The following PCDHA7 variants were observed in gnomAD, a reference collection of about 807,000 sequenced individuals.
PCDHA7 encodes the protein protocadherin alpha 7.
PCDHA7 carries 37 observed loss-of-function variants against 57.2 expected under a neutral mutation model. The observed-to-expected ratio is 0.65, with a 90% confidence interval of 0.50 to 0.85. PCDHA7 has a LOEUF of 0.85. PCDHA7 is among the 40% of genes least tolerant of loss of function. The probability of loss-of-function intolerance (pLI) is 0.00; values close to 1 mark genes in which losing one functional copy is unlikely to be tolerated. For synonymous variants in PCDHA7, 553 were observed against 558.8 expected, an observed-to-expected ratio of 0.99 and a Z score of 0.15; for missense variants, 1,188 against 1,241.8, an observed-to-expected ratio of 0.96 and a Z score of 0.65.
intron 1 of PCDHA7, among the ~76,000 whole-genome samples, chr5:140,964,670 G>A (rs2095847592): frequency 6.6e-6 from 1 of 151,912 alleles, no homozygotes; most frequent in Non-Finnish European, 1.5e-5. Context: ...CACAGGCCAG[G>A]TCCACAATTT....
chr5:140,963,438 CT>C (rs2095766112), intron 1 of PCDHA7, among the ~76,000 whole-genome samples: 1 of 152,242 alleles, frequency 6.6e-6, no homozygotes, highest in Admixed American at 6.5e-5. Context: ...TAACTTCATA[CT>C]CTGTTGCTAA....
intron 1 of PCDHA7, chr5:140,875,190 C>T (rs2055337617): frequency 4.0e-6 from 2 of 496,884 alleles, no homozygotes; most frequent in Admixed American, 4.0e-5. Flanking sequence ...TTAAGAGTGA[C>T]CCAGGAAGTG....
rs782411315 is a variant in PCDHA7, at chr5:140,883,596, T to G, written c.2355+46858T>G. ...CTGTGGGCCACGGCCAGCGTGTCGG[T>G]GGGGGTGGCCGACGTGAACGACAAC... On this transcript the variant is annotated intron_variant, in intron 1 of 3. Coordinates refer to ENST00000525929, the MANE Select transcript of PCDHA7 (RefSeq NM_018910.3). 1.0e-4 allele frequency: 167 copies of G among 1,613,676 alleles called. No homozygotes were observed. The highest frequency in any genetic ancestry group is 1.6e-4 in the Middle Eastern group (1 of 6,072).
intron 1 of PCDHA7, among the ~76,000 whole-genome samples, chr5:140,838,153 G>A (rs2150285429): frequency 3.7e-5 from 5 of 135,362 alleles, no homozygotes; most frequent in Admixed American, 1.5e-4. Flanking sequence ...TTACTCTGTC[G>A]CCCTCTCTGG....
At chr5:140,946,092 G>T (rs985293430) in intron 1 of PCDHA7, among the ~76,000 whole-genome samples, 1 of 151,914 alleles carries the variant, frequency 6.6e-6, no homozygotes, top group Non-Finnish European at 1.5e-5. Context: ...CTGATAAGGA[G>T]TTAACATACC....
intron 1 of PCDHA7, among the ~76,000 whole-genome samples, chr5:140,921,342 TA>T (rs1311011800): frequency 6.6e-6 from 1 of 152,188 alleles, no homozygotes; most frequent in African/African-American, 2.4e-5. Flanking sequence ...AATCACATAA[TA>T]TATTTGCCTA....
At chr5:140,914,710 G>T (rs879987412) in intron 1 of PCDHA7, among the ~76,000 whole-genome samples, 22 of 151,256 alleles carry the variant, frequency 1.5e-4, no homozygotes, top group Non-Finnish European at 2.4e-4. Flanking sequence ...TTAATTTCTT[G>T]TTTTTTATTT....
At chr5:140,858,018 C>T in intron 1 of PCDHA7, 1 of 1,596,908 alleles carries the variant, frequency 6.3e-7, no homozygotes, top group Non-Finnish European at 8.6e-7. Context: ...GGCGAGCCGT[C>T]GCTGACGGCC....
chr5:140,871,461 A>G, intron 1 of PCDHA7: 1 of 1,605,278 alleles, frequency 6.2e-7, no homozygotes, highest in Non-Finnish European at 8.5e-7. Context: ...AGGAAGGGGA[A>G]AGACAGGAGC....
chr5:140,884,535 C>T (rs142468733), intron 1 of PCDHA7: 2 of 1,613,918 alleles, frequency 1.2e-6, no homozygotes, highest in African/African-American at 1.3e-5. Flanking sequence ...CAGAGGCGGC[C>T]GAGGGTGTGC....
At chr5:140,957,473 GA>G (rs1446179332) in intron 1 of PCDHA7, among the ~76,000 whole-genome samples, 1 of 151,954 alleles carries the variant, frequency 6.6e-6, no homozygotes, top group Non-Finnish European at 1.5e-5. Context: ...GTATGTATAG[GA>G]AAAAACATAG....
At chr5:140,938,709 T>C (rs1473474040) in intron 1 of PCDHA7, among the ~76,000 whole-genome samples, 2 of 152,176 alleles carry the variant, frequency 1.3e-5, no homozygotes, top group African/African-American at 2.4e-5. Context: ...ATGTTTATGA[T>C]AGAAACGCGT....
chr5:140,928,744 C>T (rs143875858), intron 1 of PCDHA7: 3 of 1,614,144 alleles, frequency 1.9e-6, no homozygotes, highest in Admixed American at 3.3e-5. Context: ...TATAGGTGAG[C>T]TCCGTACTGC....
intron 3 of PCDHA7, among the ~76,000 whole-genome samples, chr5:141,000,226 G>A (rs2097897321): frequency 6.6e-6 from 1 of 151,546 alleles, no homozygotes; most frequent in Non-Finnish European, 1.5e-5. Context: ...TGCCTGTGTG[G>A]AGCTGAATGT....
chr5:140,966,290 G>A (rs2095989541), intron 1 of PCDHA7: 3 of 375,186 alleles, frequency 8.0e-6, no homozygotes, highest in Non-Finnish European at 1.4e-5. Flanking sequence ...GGGGTAGGGA[G>A]AAAGGGAGTG....
intron 1 of PCDHA7, chr5:140,843,614 C>A: frequency 6.3e-7 from 1 of 1,596,062 alleles, no homozygotes; most frequent in Non-Finnish European, 8.6e-7. Flanking sequence ...TGAGGGGCCA[C>A]CGAAGACGGA....
intron 1 of PCDHA7, chr5:140,870,178 C>T (rs2051730547): frequency 2.5e-6 from 4 of 1,614,094 alleles, no homozygotes; most frequent in East Asian, 2.2e-5. Context: ...CCTCCCAGTA[C>T]GAGAGGACGC....
chr5:140,876,954 G>T (rs1554169149), intron 1 of PCDHA7: 1 of 1,613,432 alleles, frequency 6.2e-7, no homozygotes, highest in Non-Finnish European at 8.5e-7. Context: ...CCTACTCGCT[G>T]GTGGAGCGGC....
intron 1 of PCDHA7, among the ~76,000 whole-genome samples, chr5:140,948,886 T>C (rs892848820): frequency 6.6e-6 from 1 of 151,684 alleles, no homozygotes; most frequent in Non-Finnish European, 1.5e-5. Context: ...TGCTCTCTTT[T>C]AGATTTTAAG....
Sources: gnomAD v4.1 joint callset for allele counts (sites outside exome capture counted in the v4.1 genomes callset) on GRCh38, gnomAD v4.1.1 for gene constraint, MANE v1.5 for transcripts, NCBI Gene and HGNC (gene_info 2026-07-23, HGNC 2026-07-21) for gene names.